KAZN: variants seen among roughly 807,000 people sequenced by gnomAD.
KAZN encodes the protein kazrin.
Under a neutral mutation model 87.4 loss-of-function variants are expected in KAZN, and 40 were observed. The observed-to-expected ratio is 0.46, with a 90% confidence interval of 0.36 to 0.60. The LOEUF is 0.60. Among genes scored for constraint, KAZN ranks in the 20% least tolerant of loss-of-function variants. The probability of loss-of-function intolerance (pLI) is 0.00; values close to 1 mark genes in which losing one functional copy is unlikely to be tolerated. For missense variants in KAZN, 898 were observed against 1,073.9 expected, an observed-to-expected ratio of 0.84 and a Z score of 2.29; for synonymous variants, 466 against 458.3, an observed-to-expected ratio of 1.02 and a Z score of -0.22.
At chr1:14,501,509 C>T (rs890000234) in intron 2 of KAZN, among the ~76,000 whole-genome samples, 2 of 152,048 alleles carry the variant, frequency 1.3e-5, no homozygotes, top group Non-Finnish European at 2.9e-5. Flanking sequence ...GATGTACTAT[C>T]CAGAAATAAA....
chr1:15,002,723 CCCAGCA>C (rs1454113234), intron 2 of KAZN, among the ~76,000 whole-genome samples: 1 of 151,882 alleles, frequency 6.6e-6, no homozygotes, highest in African/African-American at 2.4e-5. Context: ...CACCTGTAAT[CCCAGCA>C]CTTTGGGAGG....
chr1:14,826,221 A>G (rs60243828), intron 1 of KAZN, among the ~76,000 whole-genome samples: 1 of 152,198 alleles, frequency 6.6e-6, no homozygotes, highest in African/African-American at 2.4e-5. Context: ...AGATTGCAAA[A>G]GCAGGAATAA....
At chr1:14,647,814 T>A (rs1680919203) in intron 1 of KAZN, among the ~76,000 whole-genome samples, 1 of 152,198 alleles carries the variant, frequency 6.6e-6, no homozygotes. Flanking sequence ...CAATTTGTGA[T>A]TTCTCCCGCA....
intron 2 of KAZN, among the ~76,000 whole-genome samples, chr1:14,373,028 AG>A (rs1660627753): frequency 6.6e-6 from 1 of 152,150 alleles, no homozygotes; most frequent in Non-Finnish European, 1.5e-5. Flanking sequence ...TTTCAGCTAC[AG>A]CCTGTAGGAT....
At position 14,507,666 on chromosome 1, in the gene KAZN, C is replaced by A. The variant is rs563109904; in HGVS notation, c.250-91317C>A. 1.6e-4 allele frequency among the ~76,000 whole-genome samples: 24 copies of A among 152,156 alleles called. No homozygotes were observed. The South Asian group carries it at 5.0e-3, about 32-fold the overall frequency. On this transcript the variant is annotated intron_variant, in intron 2 of 16. Coordinates refer to the KAZN transcript ENST00000636203. ...TGTCTTTTCTTCCCCAAATTGAAAC[C>A]GTATTTCTTTTCTTAATTGAAAGCC...
intron 1 of KAZN, among the ~76,000 whole-genome samples, chr1:14,860,200 T>C (rs1650671646): frequency 6.6e-6 from 1 of 151,744 alleles, no homozygotes; most frequent in Non-Finnish European, 1.5e-5. Flanking sequence ...TCTCTCTCTT[T>C]CTCTTTCTTT....
At chr1:14,338,530 G>A (rs893297147) in intron 2 of KAZN, among the ~76,000 whole-genome samples, 1 of 149,126 alleles carries the variant, frequency 6.7e-6, no homozygotes, top group Non-Finnish European at 1.5e-5. Context: ...GTGAGAGAGA[G>A]AAAAGAAAAC....
rs138683224 is a variant in KAZN at position 14,665,528 on chromosome 1, G to A, written c.226+66305G>A. 3.2e-3 allele frequency among the ~76,000 whole-genome samples: 485 copies of A among 152,090 alleles called. 6 individuals carry two copies. The highest frequency in any genetic ancestry group is 0.011 in the African/African-American group (465 of 41,488). ...TGACGTCACCAGAGTCAACCTTCAGGTGCGTGTTAGGGGCTGGGGTGGGTG... is the reference window on the plus strand; with the variant it reads ...TGACGTCACCAGAGTCAACCTTCAGATGCGTGTTAGGGGCTGGGGTGGGTG... On this transcript the variant is annotated intron_variant, in intron 1 of 14. Coordinates refer to ENST00000376030, the MANE Select transcript of KAZN (RefSeq NM_201628.3).
At chr1:14,615,402 C>T (rs918167078) in intron 1 of KAZN, among the ~76,000 whole-genome samples, 3 of 152,252 alleles carry the variant, frequency 2.0e-5, no homozygotes, top group African/African-American at 7.2e-5. Context: ...CCAAGGCGGG[C>T]AGATTATTTC....
intron 1 of KAZN, among the ~76,000 whole-genome samples, chr1:14,895,466 A>C (rs1374462994): frequency 6.6e-6 from 1 of 152,218 alleles, no homozygotes; most frequent in African/African-American, 2.4e-5. Context: ...ATGTCTCAGC[A>C]GCCCAAGCCT....
chr1:14,006,099 T>G (rs1640027110), intron 1 of KAZN, among the ~76,000 whole-genome samples: 1 of 152,234 alleles, frequency 6.6e-6, no homozygotes, highest in South Asian at 2.1e-4. Flanking sequence ...TCCCAATCTG[T>G]AGGCTGCCTT....
intron 1 of KAZN, among the ~76,000 whole-genome samples, chr1:14,654,707 T>A (rs1638677848): frequency 6.6e-6 from 1 of 152,204 alleles, no homozygotes; most frequent in African/African-American, 2.4e-5. Flanking sequence ...GATTTCGTCT[T>A]GGGCCTGGTT....
intron 2 of KAZN, among the ~76,000 whole-genome samples, chr1:14,474,124 A>G (rs1166210144): frequency 1.3e-5 from 2 of 152,148 alleles, no homozygotes; most frequent in African/African-American, 4.8e-5. Context: ...CACTGATAAG[A>G]GAACCTCCTA....
At position 14,338,063 on chromosome 1, in the gene KAZN, AC is replaced by A. The variant is rs553328963; in HGVS notation, c.249+157475del. Reference sequence around the variant, plus strand: ...AACCAAATCATTCTGGTGAGAATGGACCCCTTCCCACCCTCCAGAGAGAGAA... The same window carrying A: ...AACCAAATCATTCTGGTGAGAATGGACCCTTCCCACCCTCCAGAGAGAGAA... On this transcript the variant is annotated intron_variant, in intron 2 of 16. Coordinates refer to the KAZN transcript ENST00000636203. 1.5e-4 allele frequency among the ~76,000 whole-genome samples: 23 copies of A among 152,148 alleles called. No homozygotes were observed. The South Asian group carries it at 4.8e-3, about 32-fold the overall frequency.
chr1:13,921,625 T>G (rs923639144), intron 1 of KAZN, among the ~76,000 whole-genome samples: 1 of 151,944 alleles, frequency 6.6e-6, no homozygotes, highest in African/African-American at 2.4e-5. Flanking sequence ...GCACTATAGT[T>G]GTTTGCATTT....
intron 2 of KAZN, chr1:14,350,943 A>C (rs970254731): frequency 6.6e-6 from 1 of 152,310 alleles, no homozygotes; most frequent in East Asian, 1.9e-4. Flanking sequence ...ACATTGAAAC[A>C]TGCCTTTCAG....
chr1:15,060,296 C>G lies in KAZN; in HGVS notation c.1041C>G (p.Leu347=), dbSNP rs760481922. Residue 347 remains leucine (L), a synonymous_variant, in exon 6 of 15, where the codon CTC becomes CTG. Transcript: ENST00000376030. ...INSPRHRTHS[L]CNGDSPGPVQ... ...CCCCTCGACACCGGACACACTCCCT[C>G]TGCAACGTAAGGCCAGCAGCAGCGG... 8.7e-6 allele frequency: 14 copies of G among 1,614,086 alleles called. No homozygotes were observed. In the South Asian group the frequency reaches 1.5e-4, roughly 18 times the overall value.
At chr1:14,334,443 A>T (rs550726283) in intron 2 of KAZN, among the ~76,000 whole-genome samples, 1 of 151,966 alleles carries the variant, frequency 6.6e-6, no homozygotes, top group East Asian at 1.9e-4. Flanking sequence ...GGCCATCACA[A>T]GGACTTTGGC....
At chr1:14,267,820 C>T (rs1223780974) in intron 2 of KAZN, among the ~76,000 whole-genome samples, 1 of 152,102 alleles carries the variant, frequency 6.6e-6, no homozygotes, top group African/African-American at 2.4e-5. Flanking sequence ...ATTAGCCAGG[C>T]ATGGTGGTGC....
Sources: allele counts gnomAD v4.1 joint callset (sites outside exome capture counted in the v4.1 genomes callset), GRCh38; gene constraint gnomAD v4.1.1; transcripts MANE v1.5; gene names NCBI Gene and HGNC (gene_info 2026-07-23, HGNC 2026-07-21).